TMEM132C: variants seen among roughly 807,000 people sequenced by gnomAD.
The protein encoded by TMEM132C is protein phosphatase 1, regulatory subunit 152.
A neutral mutation model predicts 61.4 loss-of-function variants in TMEM132C; 29 were observed. The ratio of observed to expected loss-of-function variants is 0.47; its 90% CI spans 0.35 to 0.64. The LOEUF (loss-of-function observed/expected upper bound fraction) is 0.64, where lower values mean the gene tolerates loss of function less well. Among genes scored for constraint, TMEM132C ranks in the 30% least tolerant of loss-of-function variants. The pLI is 0.00. For missense variants in TMEM132C, 1,408 were observed against 1,476.9 expected (o/e 0.95, Z 0.76); for synonymous variants, 656 against 633.1 (o/e 1.04, Z -0.54).
chr12:128,554,919 G>T (rs1359045961), intron 3 of TMEM132C, among the ~76,000 whole-genome samples: 1 of 152,166 alleles, frequency 6.6e-6, no homozygotes, highest in South Asian at 2.1e-4. Flanking sequence ...TGATGGGGTG[G>T]TCTCTGGGCC....
At chr12:128,347,416 TCTCTC>T (rs1873198497) in intron 1 of TMEM132C, among the ~76,000 whole-genome samples, 1 of 141,906 alleles carries the variant, frequency 7.0e-6, no homozygotes, top group African/African-American at 2.5e-5. Context: ...TCTCTCTCTC[TCTCTC>T]TCTCTCTCTC....
At position 128,695,909 on chromosome 12, in the gene TMEM132C, G is replaced by A. The variant is rs974174274; in HGVS notation, c.1735G>A (p.Val579Met). The A allele has an allele frequency of 5.5e-5, 86 of 1,551,542 alleles. No individual in the cohort carries two copies. The highest frequency in any genetic ancestry group is 9.8e-5 in the Admixed American group (5 of 50,992). Residue 579 changes from valine to methionine, a missense_variant, in exon 7 of 9, where the codon GTG becomes ATG. Transcript: ENST00000435159. ...GCALQYQHATVRVLTQFVSEG... is the reference protein window; with the variant it reads ...GCALQYQHATMRVLTQFVSEG... ...CGCACTGCAATACCAGCACGCCACC[G>A]TGCGGGTCCTCACCCAGTTTGTGTC...
chr12:128,651,567 G>C (rs1054849239), intron 4 of TMEM132C, among the ~76,000 whole-genome samples: 4 of 152,234 alleles, frequency 2.6e-5, no homozygotes, highest in Non-Finnish European at 4.4e-5. Flanking sequence ...CACTGTTCCA[G>C]GCAGTGGGGG....
chr12:128,556,180 A>G lies in TMEM132C; in HGVS notation c.1121+12077A>G, dbSNP rs531147181. Among the ~76,000 whole-genome samples, 418 of 152,312 alleles carry G rather than the reference A, an allele frequency of 2.7e-3. 2 individuals are homozygous for G. Among genetic ancestry groups the G allele is most frequent in the African/African-American group, 9.8e-3 (409 of 41,578 alleles). On this transcript the variant is annotated intron_variant, in intron 3 of 8. Transcript: ENST00000435159. ...CCGAAGGGCCAGATCTGGCATCCCAAGCCTCGATTTGATGTTTGAAATGGT... is the reference window on the plus strand; with the variant it reads ...CCGAAGGGCCAGATCTGGCATCCCAGGCCTCGATTTGATGTTTGAAATGGT...
intron 3 of TMEM132C, among the ~76,000 whole-genome samples, chr12:128,589,984 C>A (rs193036918): frequency 3.3e-5 from 5 of 152,304 alleles, no homozygotes; most frequent in Admixed American, 2.6e-4. Context: ...ATTACTGTGC[C>A]TTCCTCAAGA....
In TMEM132C at chr12:128,334,051, C is replaced by T. The variant is rs140484035; in HGVS notation, c.85+66564C>T. Reference sequence around the variant, plus strand: ...TGTGTGGGAGCGAGGGAGGAAGGCACGGGAGAAGGCCGCGGATGCTCTCCC... The same window carrying T: ...TGTGTGGGAGCGAGGGAGGAAGGCATGGGAGAAGGCCGCGGATGCTCTCCC... On this transcript the variant is annotated intron_variant, in intron 1 of 8. Transcript: ENST00000435159. 9.5e-4 allele frequency among the ~76,000 whole-genome samples: 144 copies of T among 151,994 alleles called. 2 individuals carry two copies. Among genetic ancestry groups the T allele is most frequent in the African/African-American group, 3.3e-3 (137 of 41,458 alleles).
chr12:128,667,754 G>T (rs921305633), intron 4 of TMEM132C, among the ~76,000 whole-genome samples: 2 of 152,122 alleles, frequency 1.3e-5, no homozygotes, highest in African/African-American at 4.8e-5. Flanking sequence ...TGTCCATAAA[G>T]AAAAGAATTA....
At chr12:128,346,268 G>A (rs768055811) in intron 1 of TMEM132C, among the ~76,000 whole-genome samples, 9 of 152,088 alleles carry the variant, frequency 5.9e-5, no homozygotes, top group Non-Finnish European at 1.2e-4. Flanking sequence ...CTATATGTCT[G>A]TTTTTGTACC....
At chr12:128,584,070 C>A (rs1254448497) in intron 3 of TMEM132C, among the ~76,000 whole-genome samples, 1 of 152,202 alleles carries the variant, frequency 6.6e-6, no homozygotes, top group African/African-American at 2.4e-5. Context: ...CCTGCCAAGG[C>A]ATATTTCTTA....
intron 4 of TMEM132C, among the ~76,000 whole-genome samples, chr12:128,633,043 G>A (rs189874697): frequency 1.3e-5 from 2 of 152,168 alleles, no homozygotes; most frequent in Non-Finnish European, 2.9e-5. Flanking sequence ...TCTGTCCTGA[G>A]GTCTTTCATG....
chr12:128,601,725 G>A (rs1294572028), intron 3 of TMEM132C, among the ~76,000 whole-genome samples: 1 of 150,860 alleles, frequency 6.6e-6, no homozygotes, highest in Non-Finnish European at 1.5e-5. Context: ...AAGGGGATCA[G>A]TGCAGTGGCG....
At chr12:128,662,134 T>G (rs908813162) in intron 4 of TMEM132C, among the ~76,000 whole-genome samples, 25 of 152,160 alleles carry the variant, frequency 1.6e-4, no homozygotes, top group African/African-American at 5.8e-4. Flanking sequence ...CATAAATACA[T>G]TTTAAATGTG....
chr12:128,379,959 G>C (rs1166908689), intron 1 of TMEM132C, among the ~76,000 whole-genome samples: 1 of 152,218 alleles, frequency 6.6e-6, no homozygotes, highest in Non-Finnish European at 1.5e-5. Flanking sequence ...GGTGGAGATA[G>C]AGACACTAGC....
At chr12:128,423,144 C>T (rs771532450) in intron 2 of TMEM132C, among the ~76,000 whole-genome samples, 45 of 152,244 alleles carry the variant, frequency 3.0e-4, no homozygotes, top group Non-Finnish European at 3.1e-4. Flanking sequence ...AAAGACAGAA[C>T]GAAAGAGAGA....
At chr12:128,576,268 G>A (rs920192183) in intron 3 of TMEM132C, among the ~76,000 whole-genome samples, 2 of 151,898 alleles carry the variant, frequency 1.3e-5, no homozygotes, top group African/African-American at 2.4e-5. Flanking sequence ...AGAAGGGGAG[G>A]GGAGGGGAGG....
At chr12:128,628,023 G>T (rs1408684425) in intron 4 of TMEM132C, among the ~76,000 whole-genome samples, 1 of 152,104 alleles carries the variant, frequency 6.6e-6, no homozygotes, top group Admixed American at 6.5e-5. Flanking sequence ...GTCTCCCCAG[G>T]CCTGCCGCAC....
chr12:128,620,733 A>G (rs564730920), intron 4 of TMEM132C, among the ~76,000 whole-genome samples: 1 of 152,162 alleles, frequency 6.6e-6, no homozygotes, highest in East Asian at 1.9e-4. Flanking sequence ...GCCATTTTTC[A>G]TCCTTTGCAA....
intron 1 of TMEM132C, among the ~76,000 whole-genome samples, chr12:128,378,529 C>T (rs138949801): frequency 2.6e-4 from 40 of 152,304 alleles, no homozygotes; most frequent in African/African-American, 7.7e-4. Flanking sequence ...TCACAGATTT[C>T]GACAGGAGAG....
chr12:128,592,552 A>G (rs1423459753), intron 3 of TMEM132C, among the ~76,000 whole-genome samples: 1 of 152,208 alleles, frequency 6.6e-6, no homozygotes, highest in Non-Finnish European at 1.5e-5. Context: ...ATAGATTTCC[A>G]CTCCAGATAA....
Sources: allele counts gnomAD v4.1 joint callset (sites outside exome capture counted in the v4.1 genomes callset), GRCh38; gene constraint gnomAD v4.1.1; transcripts MANE v1.5; gene names NCBI Gene and HGNC (gene_info 2026-07-23, HGNC 2026-07-21).